The following DENND1B variants were observed in gnomAD, a reference collection of about 807,000 sequenced individuals.
DENND1B encodes the protein DENN domain containing 1B, also known as DENN domain-containing protein 1B.
In DENND1B, 59 loss-of-function variants were observed where a neutral mutation model predicts 90.1. That is an observed-to-expected ratio of 0.65 (90% CI 0.53 to 0.81). The LOEUF (loss-of-function observed/expected upper bound fraction) is 0.81. Ranked by LOEUF, DENND1B falls within the 40% of genes least tolerant of loss-of-function variation. The pLI, the probability that DENND1B is intolerant of heterozygous loss-of-function variation, is 0.00. For synonymous variants in DENND1B, 337 were observed against 324.6 expected (o/e 1.04, Z -0.41); for missense variants, 862 against 912.6 (o/e 0.94, Z 0.71).
intron 2 of DENND1B, among the ~76,000 whole-genome samples, chr1:197,750,354 G>A (rs1391312561): frequency 6.6e-6 from 1 of 151,506 alleles, no homozygotes; most frequent in East Asian, 1.9e-4. Context: ...CAAGAGAAGA[G>A]AAAAGCATAA....
At chr1:197,745,785 T>C (rs1196049059) in intron 2 of DENND1B, among the ~76,000 whole-genome samples, 1 of 151,792 alleles carries the variant, frequency 6.6e-6, no homozygotes, top group Non-Finnish European at 1.5e-5. Flanking sequence ...GAAAGATACT[T>C]AGGAAGACAT....
chr1:197,628,231 C>T (rs1678968996), intron 10 of DENND1B, among the ~76,000 whole-genome samples: 1 of 152,004 alleles, frequency 6.6e-6, no homozygotes, highest in Non-Finnish European at 1.5e-5. Flanking sequence ...AATCCTAAGC[C>T]AAAAGAACAA....
intron 2 of DENND1B, among the ~76,000 whole-genome samples, chr1:197,753,639 T>A (rs1022828473): frequency 1.1e-4 from 17 of 152,020 alleles, no homozygotes; most frequent in African/African-American, 2.4e-4. Context: ...TGTGCAGATG[T>A]CAGGGCAAGT....
chr1:197,675,674 T>C (rs539454960), intron 3 of DENND1B, among the ~76,000 whole-genome samples: 4 of 152,264 alleles, frequency 2.6e-5, no homozygotes, highest in African/African-American at 7.2e-5. Flanking sequence ...CATTTGACCA[T>C]TGCTTAATCC....
intron 15 of DENND1B, among the ~76,000 whole-genome samples, chr1:197,571,536 T>C (rs1673152712): frequency 6.6e-6 from 1 of 152,238 alleles, no homozygotes; most frequent in South Asian, 2.1e-4. Flanking sequence ...TTTTCAGTAG[T>C]GCCTTTTCTA....
intron 10 of DENND1B, among the ~76,000 whole-genome samples, chr1:197,634,895 G>T (rs1435255699): frequency 1.3e-5 from 2 of 152,220 alleles, no homozygotes; most frequent in Non-Finnish European, 2.9e-5. Context: ...GGAGGCTGAG[G>T]TGTGGAAAGA....
intron 10 of DENND1B, among the ~76,000 whole-genome samples, chr1:197,635,336 A>ATTTAT (rs1187342131): frequency 6.6e-6 from 1 of 151,930 alleles, no homozygotes; most frequent in Admixed American, 6.6e-5. Context: ...CCATGGTTTT[A>ATTTAT]TTTATTTTAT....
intron 20 of DENND1B, among the ~76,000 whole-genome samples, chr1:197,517,420 AC>A (rs1378502451): frequency 1.3e-5 from 2 of 151,720 alleles, no homozygotes; most frequent in African/African-American, 2.4e-5. Context: ...GCCTTCTTCA[AC>A]CCCTTATATT....
chr1:197,672,152 A>T lies in DENND1B; in HGVS notation c.181T>A (p.Ser61Thr). 1 of 1,608,666 alleles carries T rather than the reference A, an allele frequency of 6.2e-7. No individual in the cohort carries two copies. The highest frequency in any genetic ancestry group is 8.5e-7 in the Non-Finnish European group (1 of 1,177,708). ...AAGTGCTGTCCAACTTGATTCTGAG[A>T]CACCCTAAAATATAGTAACATTAGG... ...FCFPFDVERV[S>T]QNQVGQHFTF... The change falls in exon 5 of 23, where the codon TCT (serine) becomes ACT (threonine). Residue 61 changes from serine (S) to threonine (T), a missense_variant. By Grantham distance (58) the Ser-to-Thr change is moderately conservative. Transcript: ENST00000620048.
intron 10 of DENND1B, among the ~76,000 whole-genome samples, chr1:197,638,541 C>T (rs2125911704): frequency 6.6e-6 from 1 of 152,226 alleles, no homozygotes; most frequent in African/African-American, 2.4e-5. Context: ...TGGTGAGGTA[C>T]AATTATAGAG....
At chr1:197,777,807 T>A (rs1429418595), upstream of DENND1B, among the ~76,000 whole-genome samples, 1 of 152,176 alleles carries the variant, frequency 6.6e-6, no homozygotes, top group Non-Finnish European at 1.5e-5. Flanking sequence ...TATTAATTAA[T>A]TAATTTAGTT....
chr1:197,759,670 G>A (rs932932483), intron 2 of DENND1B, among the ~76,000 whole-genome samples: 56 of 149,858 alleles, frequency 3.7e-4, no homozygotes, highest in East Asian at 2.0e-3. Flanking sequence ...GTGAACCCGG[G>A]AGGTGGAGGT....
chr1:197,633,584 T>C (rs142066002), intron 10 of DENND1B, among the ~76,000 whole-genome samples: 23 of 152,292 alleles, frequency 1.5e-4, no homozygotes, highest in Middle Eastern at 3.4e-3. Flanking sequence ...GCCCATTTCC[T>C]ATAGCACAGG....
chr1:197,561,368 G>A (rs1346925095), intron 15 of DENND1B, among the ~76,000 whole-genome samples: 4 of 151,610 alleles, frequency 2.6e-5, no homozygotes, highest in African/African-American at 7.3e-5. Context: ...CTCCCTCTTT[G>A]GTATTCTTGT....
intron 15 of DENND1B, among the ~76,000 whole-genome samples, chr1:197,578,870 C>A (rs1327857453): frequency 2.0e-5 from 3 of 151,906 alleles, no homozygotes; most frequent in Non-Finnish European, 4.4e-5. Flanking sequence ...CTTTAAGGGA[C>A]CTCCCTAGTT....
chr1:197,685,017 C>G (rs1346959410), intron 3 of DENND1B, among the ~76,000 whole-genome samples: 3 of 152,110 alleles, frequency 2.0e-5, no homozygotes, highest in African/African-American at 7.2e-5. Flanking sequence ...ACTCGGGAGG[C>G]TGAGGCAGGA....
chr1:197,619,804 G>C (rs1677984437), intron 10 of DENND1B, among the ~76,000 whole-genome samples: 1 of 151,126 alleles, frequency 6.6e-6, no homozygotes, highest in Non-Finnish European at 1.5e-5. Flanking sequence ...TTTCTTAGAG[G>C]ATGGTTTCTG....
intron 3 of DENND1B, among the ~76,000 whole-genome samples, chr1:197,686,326 A>C (rs1657230361): frequency 6.6e-6 from 1 of 152,218 alleles, no homozygotes; most frequent in Non-Finnish European, 1.5e-5. Flanking sequence ...AAGCAGATTA[A>C]GGTAAATTCT....
intron 3 of DENND1B, among the ~76,000 whole-genome samples, chr1:197,705,741 T>C (rs575114686): frequency 6.6e-6 from 1 of 150,958 alleles, no homozygotes; most frequent in South Asian, 2.1e-4. Context: ...TATATATATA[T>C]ATATATTGGA....
Sources: allele counts gnomAD v4.1 joint callset (sites outside exome capture counted in the v4.1 genomes callset), GRCh38; gene constraint gnomAD v4.1.1; transcripts MANE v1.5; gene names NCBI Gene and HGNC (gene_info 2026-07-23, HGNC 2026-07-21).